The following ROBO1 variants were observed in gnomAD, a reference collection of about 807,000 sequenced individuals.
ROBO1 encodes the protein roundabout guidance receptor 1.
A neutral mutation model predicts 195.9 loss-of-function variants in ROBO1; 149 were observed. The ratio of observed to expected loss-of-function variants is 0.76; its 90% CI spans 0.67 to 0.87. The LOEUF (loss-of-function observed/expected upper bound fraction) is 0.87, where lower values mean the gene tolerates loss of function less well. ROBO1 is among the 40% of genes least tolerant of loss of function. The pLI is 0.00. For synonymous variants in ROBO1, 816 were observed against 733.2 expected (o/e 1.11, Z -1.82); for missense variants, 1,933 against 2,068.3 (o/e 0.93, Z 1.27).
At chr3:79,545,511 T>C (rs1401846589) in intron 2 of ROBO1, among the ~76,000 whole-genome samples, 1 of 152,220 alleles carries the variant, frequency 6.6e-6, no homozygotes, top group African/African-American at 2.4e-5. Context: ...TATGATATCT[T>C]CCTGCACAAA....
intron 3 of ROBO1, among the ~76,000 whole-genome samples, chr3:79,035,937 G>A (rs1348826413): frequency 6.6e-6 from 1 of 152,014 alleles, no homozygotes; most frequent in Non-Finnish European, 1.5e-5. Context: ...GTTATTTAGA[G>A]ATATGTTAAC....
chr3:79,365,914 A>G (rs902102498), intron 2 of ROBO1, among the ~76,000 whole-genome samples: 1 of 140,478 alleles, frequency 7.1e-6, no homozygotes, highest in East Asian at 2.1e-4. Context: ...AAAAAAAAAG[A>G]GTACTACTTT....
intron 1 of ROBO1, among the ~76,000 whole-genome samples, chr3:79,712,093 A>G (rs1426139282): frequency 6.6e-6 from 1 of 152,092 alleles, no homozygotes; most frequent in African/African-American, 2.4e-5. Context: ...TGAAACCAGA[A>G]CAACGAATAA....
At chr3:78,858,470 T>C (rs1255260484) in intron 4 of ROBO1, among the ~76,000 whole-genome samples, 3 of 150,624 alleles carry the variant, frequency 2.0e-5, no homozygotes, top group African/African-American at 4.9e-5. Context: ...GGCTCACACT[T>C]GTAATCTCAG....
At chr3:79,515,481 A>G (rs937319286) in intron 2 of ROBO1, among the ~76,000 whole-genome samples, 8 of 152,248 alleles carry the variant, frequency 5.3e-5, no homozygotes. Flanking sequence ...ACCACCAACA[A>G]TGTTTGTGGC....
chr3:78,842,065 G>T (rs963618780), intron 4 of ROBO1, among the ~76,000 whole-genome samples: 1 of 149,242 alleles, frequency 6.7e-6, no homozygotes, highest in Non-Finnish European at 1.5e-5. Context: ...AGCAACAAAA[G>T]CACAAAATGC....
At chr3:79,019,369 G>A in intron 3 of ROBO1, 1 of 985,856 alleles carries the variant, frequency 1.0e-6, no homozygotes, top group Non-Finnish European at 1.2e-6. Context: ...CTGCGGGTGG[G>A]AGAGACGGCC....
At chr3:78,889,707 C>G (rs62257515) in intron 4 of ROBO1, among the ~76,000 whole-genome samples, 2 of 133,676 alleles carry the variant, frequency 1.5e-5, no homozygotes, top group Non-Finnish European at 3.2e-5. Context: ...GAAAATAACT[C>G]CAAGAAAAAA....
At chr3:78,808,285 A>G (rs1411480519) in intron 4 of ROBO1, among the ~76,000 whole-genome samples, 1 of 152,020 alleles carries the variant, frequency 6.6e-6, no homozygotes, top group Non-Finnish European at 1.5e-5. Flanking sequence ...GCTCACTGCA[A>G]CCTCTGCCTC....
Position 78,938,915 on chromosome 3 carries a change from C to A in ROBO1, c.185G>T (p.Arg62Leu). Residue 62 changes from arginine (R) to leucine (L), a missense_variant, in exon 4 of 31, where the codon CGT (arginine) becomes CTT (leucine). Coordinates refer to ENST00000464233, the MANE Select transcript of ROBO1 (RefSeq NM_002941.4). Reference protein sequence around the residue: ...NSLGYTGSRLRQEDFPPRIVE... With the variant: ...NSLGYTGSRLLQEDFPPRIVE... ...AATGCGAGGTGGAAAATCTTCCTGA[C>A]GAAGACGGGAGCCTGCAGAAGAATT... 6.2e-7 allele frequency: 1 copy of A among 1,607,608 alleles called. No homozygotes were observed. Among genetic ancestry groups the A allele is most frequent in the Non-Finnish European group, 8.5e-7 (1 of 1,176,230 alleles).
chr3:78,828,484 C>T (rs1010046949), intron 4 of ROBO1, among the ~76,000 whole-genome samples: 3 of 152,156 alleles, frequency 2.0e-5, no homozygotes, highest in Non-Finnish European at 4.4e-5. Flanking sequence ...CAATAATTTA[C>T]TGGTAGGCAA....
chr3:79,586,073 T>A (rs990681825), intron 2 of ROBO1, among the ~76,000 whole-genome samples: 2 of 151,938 alleles, frequency 1.3e-5, no homozygotes, highest in Non-Finnish European at 2.9e-5. Flanking sequence ...TCTGTCACAT[T>A]TAGATTTCTG....
intron 4 of ROBO1, among the ~76,000 whole-genome samples, chr3:78,851,152 T>G (rs796695067): frequency 1.3e-5 from 2 of 152,104 alleles, no homozygotes; most frequent in South Asian, 4.1e-4. Flanking sequence ...TTGTTTTTGG[T>G]CCTTCTTATT....
chr3:78,633,057 A>C (rs1359204140), intron 24 of ROBO1, among the ~76,000 whole-genome samples: 1 of 152,198 alleles, frequency 6.6e-6, no homozygotes, highest in Non-Finnish European at 1.5e-5. Flanking sequence ...GTGTTAGTTA[A>C]GGGAAAACTG....
Position 79,158,350 on chromosome 3 carries a change from G to A in ROBO1, c.89-32811C>T, listed in dbSNP as rs2080894789. Among the ~76,000 whole-genome samples, 3 of 145,760 alleles carry A rather than the reference G, an allele frequency of 2.1e-5. No homozygotes were observed. The South Asian group carries it at 6.3e-4, about 31-fold the overall frequency. On this transcript the variant is annotated intron_variant, in intron 2 of 30. Transcript: ENST00000464233. ...TTATGATATTTACATACAATAGTAT[G>A]TAACACATATTTTCTGTAATGTATG...
At chr3:79,677,984 G>A (rs3923152) in intron 1 of ROBO1, among the ~76,000 whole-genome samples, 48,565 of 151,918 alleles carry the variant, frequency 0.32, 9,678 homozygotes, top group African/African-American at 0.57. Flanking sequence ...ACATATCAAG[G>A]AACAAGAGTT....
intron 26 of ROBO1, among the ~76,000 whole-genome samples, chr3:78,624,223 T>C (rs894317846): frequency 2.6e-5 from 4 of 152,192 alleles, no homozygotes; most frequent in Non-Finnish European, 5.9e-5. Flanking sequence ...TATTGAGGTC[T>C]TCACAGTGAT....
intron 3 of ROBO1, among the ~76,000 whole-genome samples, chr3:79,059,109 C>A (rs13068817): frequency 0.15 from 22,435 of 152,090 alleles, 2,134 homozygotes; most frequent in East Asian, 0.37. Context: ...CATGCAAATG[C>A]AGTGTGATTG....
intron 2 of ROBO1, among the ~76,000 whole-genome samples, chr3:79,334,735 AT>A (rs11364294): frequency 0.16 from 24,023 of 147,004 alleles, 1,911 homozygotes; most frequent in African/African-American, 0.2. Context: ...TTTATACCAC[AT>A]TTTTTTTTTT....
Sources: gnomAD v4.1 joint callset for allele counts (sites outside exome capture counted in the v4.1 genomes callset) on GRCh38, gnomAD v4.1.1 for gene constraint, MANE v1.5 for transcripts, NCBI Gene and HGNC (gene_info 2026-07-23, HGNC 2026-07-21) for gene names.